CASK: variants seen among roughly 807,000 people sequenced by gnomAD.
The protein encoded by CASK is peripheral plasma membrane protein CASK.
Under a neutral mutation model 82.9 loss-of-function variants are expected in CASK, and 4 were observed. The observed-to-expected ratio is 0.05, with a 90% CI of 0.02 to 0.11. The LOEUF (loss-of-function observed/expected upper bound fraction) is 0.11, where lower values mean the gene tolerates loss of function less well. CASK is among the 10% of genes least tolerant of loss of function. The pLI is 1.00. For synonymous variants in CASK, 259 were observed against 253.5 expected (o/e 1.02, Z -0.20); for missense variants, 358 against 720.9 (o/e 0.50, Z 5.76).
intron 5 of CASK, among the ~76,000 whole-genome samples, chrX:41,673,965 C>A (rs2067231506): frequency 1.9e-5 from 2 of 107,292 alleles, no homozygotes; most frequent in Admixed American, 1.0e-4. Flanking sequence ...AAAAAATATA[C>A]CTCTTTTAAA....
At chrX:41,695,656 T>C (rs1452844331) in intron 5 of CASK, 9 of 1,200,359 alleles carry the variant, frequency 7.5e-6, no homozygotes, top group Non-Finnish European at 9.0e-6. Context: ...ACCATAACAA[T>C]GACGACAACT....
intron 3 of CASK, among the ~76,000 whole-genome samples, chrX:41,764,453 C>G (rs1050912648): frequency 9.0e-6 from 1 of 111,329 alleles, no homozygotes; most frequent in African/African-American, 3.3e-5. Context: ...ATCCACATAT[C>G]TAACTTCCTA....
At chrX:41,664,125 T>A (rs1004353064) in intron 7 of CASK, among the ~76,000 whole-genome samples, 1 of 111,787 alleles carries the variant, frequency 8.9e-6, no homozygotes, top group African/African-American at 3.3e-5. Flanking sequence ...AGTTTTGGTA[T>A]ATATCTTAAA....
intron 2 of CASK, among the ~76,000 whole-genome samples, chrX:41,802,948 T>A (rs1569453637): frequency 1.8e-5 from 2 of 111,088 alleles, no homozygotes; most frequent in Non-Finnish European, 3.8e-5. Flanking sequence ...ATAAAGACAT[T>A]TTCAGGTATC....
intron 1 of CASK, among the ~76,000 whole-genome samples, chrX:41,853,978 G>A (rs2071314240): frequency 8.9e-6 from 1 of 111,883 alleles, no homozygotes; most frequent in South Asian, 3.7e-4. Flanking sequence ...TTTACAAAGA[G>A]AAAGGCCTGC....
At position 41,789,080 on chromosome X, in the gene CASK, C is replaced by T. The variant is rs146284074; in HGVS notation, c.173-1797G>A. ...AATAATGCCATGCTGGGTTTGAACA[C>T]GATCATATTAGAAGAATCTGGCAGT... is the stretch of plus-strand genomic sequence containing the variant. On this transcript the variant is annotated intron_variant, in intron 2 of 26. Coordinates refer to ENST00000378163, the MANE Select transcript of CASK (RefSeq NM_001367721.1). 1.3e-3 allele frequency among the ~76,000 whole-genome samples: 150 copies of T among 111,379 alleles called. 2 individuals are homozygous for T. Among genetic ancestry groups the T allele is most frequent in the African/African-American group, 4.7e-3 (145 of 30,668 alleles).
chrX:41,908,189 G>A (rs1353732018), intron 1 of CASK, among the ~76,000 whole-genome samples: 1 of 111,744 alleles, frequency 8.9e-6, no homozygotes, highest in East Asian at 2.8e-4. Context: ...TGGCCAACAT[G>A]GTGAAACCCC....
At chrX:41,912,790 T>TTTTATA (rs757109963) in intron 1 of CASK, among the ~76,000 whole-genome samples, 12 of 97,938 alleles carry the variant, frequency 1.2e-4, no homozygotes, top group African/African-American at 4.0e-4. Flanking sequence ...TGCAAGTAAT[T>TTTTATA]TATATATATA....
chrX:41,606,649 G>A (rs2065968223), intron 12 of CASK, among the ~76,000 whole-genome samples: 1 of 111,088 alleles, frequency 9.0e-6, no homozygotes, highest in African/African-American at 3.3e-5. Flanking sequence ...AATTTGACTG[G>A]AGCTCATGTA....
At chrX:41,555,903 C>A in intron 19 of CASK, 1 of 257,011 alleles carries the variant, frequency 3.9e-6, no homozygotes, top group Non-Finnish European at 6.7e-6. Flanking sequence ...AACACAAAAG[C>A]CACTGCAAGT....
At chrX:41,821,380 C>T (rs1180370287) in intron 2 of CASK, among the ~76,000 whole-genome samples, 2 of 111,765 alleles carry the variant, frequency 1.8e-5, no homozygotes, top group African/African-American at 6.5e-5. Context: ...TCATGACATA[C>T]CCACCAGAAT....
chrX:41,517,697 G>C lies in CASK; in HGVS notation c.*2723C>G. 5 of 515,213 alleles carry C rather than the reference G, an allele frequency of 9.7e-6. No individual in the cohort carries two copies. The East Asian group carries it at 1.9e-4, about 19-fold the overall frequency. The allele number at this position is 515,213 out of a possible 1,213,427, so 42.5% of individuals were successfully genotyped here. ...AAGAAAGAAAAAAAAAGGTTCTGCT[G>C]ATGGAATGGAAGCAGTAAAGAAGCT... On this transcript the variant is annotated 3_prime_UTR_variant, in exon 27 of 27. Transcript: ENST00000378163.
chrX:41,766,226 C>T (rs754172866), intron 3 of CASK, among the ~76,000 whole-genome samples: 48 of 111,772 alleles, frequency 4.3e-4, no homozygotes, highest in African/African-American at 1.6e-3. Context: ...GGGATATACC[C>T]TTCGGATGAA....
Position 41,796,360 on chromosome X carries a change from C to G in CASK, c.173-9077G>C, listed in dbSNP as rs2069853129. Among the ~76,000 whole-genome samples the G allele has an allele frequency of 4.5e-5, 5 of 112,161 alleles. No homozygotes were observed. In the South Asian group the frequency reaches 1.9e-3, roughly 42 times the overall value. ...GCACAATAAGTTTTGTTTTCTTTTC[C>G]TTTCATCATTTTTGGTGGAAATCAT... is the stretch of plus-strand genomic sequence containing the variant. On this transcript the variant is annotated intron_variant, in intron 2 of 26. Coordinates refer to ENST00000378163, the MANE Select transcript of CASK (RefSeq NM_001367721.1).
At chrX:41,625,279 G>C (rs1366182634) in intron 10 of CASK, among the ~76,000 whole-genome samples, 1 of 104,120 alleles carries the variant, frequency 9.6e-6, no homozygotes, top group East Asian at 3.0e-4. Context: ...TCTGCCTGCC[G>C]GGTTCACGCC....
At chrX:41,729,466 C>T (rs1370296155) in intron 5 of CASK, 2 of 121,053 alleles carry the variant, frequency 1.7e-5, no homozygotes, top group Non-Finnish European at 3.8e-5. Context: ...TGCCTGTAAT[C>T]CCAGCACTCT....
rs757506613 is a variant in CASK, at chrX:41,630,929, A to T, written c.916-4226T>A. Among the ~76,000 whole-genome samples, 4 of 112,009 alleles carry T rather than the reference A, an allele frequency of 3.6e-5. No individual in the cohort carries two copies. In the South Asian group the frequency reaches 1.5e-3, roughly 42 times the overall value. ...AGGTCCTAGATGATAATTAGGTGAGATGATTAATTAAATCAGAACTTTTGA... is the reference window on the plus strand; with the variant it reads ...AGGTCCTAGATGATAATTAGGTGAGTTGATTAATTAAATCAGAACTTTTGA... On this transcript the variant is annotated intron_variant, in intron 9 of 26. Coordinates refer to ENST00000378163, the MANE Select transcript of CASK (RefSeq NM_001367721.1).
chrX:41,535,360 CA>C (rs1480886624), intron 22 of CASK, among the ~76,000 whole-genome samples: 1 of 111,193 alleles, frequency 9.0e-6, no homozygotes. Context: ...AGTCTACAGA[CA>C]GTGACCAACA....
At position 41,603,936 on chromosome X, in the gene CASK, C is replaced by T. The variant is rs2065926168; in HGVS notation, c.1155+5968G>A. Among the ~76,000 whole-genome samples the T allele has an allele frequency of 2.7e-5, 3 of 111,445 alleles. No homozygotes were observed. In the Admixed American group the frequency reaches 2.9e-4, roughly 11 times the overall value. On this transcript the variant is annotated intron_variant, in intron 12 of 26. Coordinates refer to ENST00000378163, the MANE Select transcript of CASK (RefSeq NM_001367721.1). The stretch of plus-strand genomic sequence containing the variant: ...AAACTGAGAAGACTGAAAACTACTA[C>T]CAAATAATATTTGTAAAATGTTTTT...
Sources: gnomAD v4.1 joint callset for allele counts (sites outside exome capture counted in the v4.1 genomes callset) on GRCh38, gnomAD v4.1.1 for gene constraint, MANE v1.5 for transcripts, NCBI Gene and HGNC (gene_info 2026-07-23, HGNC 2026-07-21) for gene names.